The following PFKFB3 variants were observed in gnomAD, a reference collection of about 807,000 sequenced individuals.
The protein encoded by PFKFB3 is 6-phosphofructo-2-kinase/fructose-2,6-biphosphatase 3, also known as 6-phosphofructo-2-kinase/fructose-2,6-bisphosphatase 3.
PFKFB3 carries 33 observed loss-of-function variants against 68.0 expected under a neutral mutation model. The ratio of observed to expected loss-of-function variants is 0.49; its 90% CI spans 0.37 to 0.65. The LOEUF (loss-of-function observed/expected upper bound fraction) is 0.65, where lower values mean the gene tolerates loss of function less well. Among genes scored for constraint, PFKFB3 ranks in the 30% least tolerant of loss-of-function variants. The pLI, the probability that PFKFB3 is intolerant of heterozygous loss-of-function variation, is 0.00. For synonymous variants in PFKFB3, 315 were observed against 288.2 expected (o/e 1.09, Z -0.94); for missense variants, 586 against 712.2 (o/e 0.82, Z 2.02).
rs541901305 is a variant in PFKFB3 at position 6,167,292 on chromosome 10, G to A, written c.16+22279G>A. On this transcript the variant is annotated intron_variant, in intron 1 of 14. Transcript: ENST00000379789. Reference sequence around the variant, plus strand: ...ACCAGGTACAGTCCTCTGAGAAGTCGGGAGGAAAACGCCTGTGCGGGTCTC... The same window carrying A: ...ACCAGGTACAGTCCTCTGAGAAGTCAGGAGGAAAACGCCTGTGCGGGTCTC... 9.8e-5 allele frequency among the ~76,000 whole-genome samples: 15 copies of A among 152,322 alleles called. No individual in the cohort carries two copies. The South Asian group carries it at 1.7e-3, about 17-fold the overall frequency.
chr10:6,250,990 C>G (rs1182102439), intron 14 of PFKFB3, among the ~76,000 whole-genome samples: 1 of 152,174 alleles, frequency 6.6e-6, no homozygotes, highest in Admixed American at 6.5e-5. Flanking sequence ...AGCCTTACCC[C>G]ACAGAGATTC....
At chr10:6,169,585 T>C (rs1186038232) in intron 1 of PFKFB3, among the ~76,000 whole-genome samples, 1 of 152,294 alleles carries the variant, frequency 6.6e-6, no homozygotes, top group African/African-American at 2.4e-5. Flanking sequence ...ATGAACTTGC[T>C]GCGCTGATGG....
intron 1 of PFKFB3, among the ~76,000 whole-genome samples, chr10:6,210,356 G>T (rs200891207): frequency 0.041 from 1,827 of 44,256 alleles, 246 homozygotes; most frequent in Non-Finnish European, 0.078. Flanking sequence ...GTTTTTTTTT[G>T]TTTTTTTGTT....
chr10:6,222,947 G>T lies in PFKFB3; in HGVS notation c.1176G>T (p.Leu392=). Residue 392 remains leucine, a synonymous_variant, in exon 11 of 15, where the codon CTG becomes CTT. Transcript: ENST00000379775. ...NVLVICHQAV[L]RCLLAYFLDK... ...TGGTCATCTGCCACCAGGCCGTCCT[G>T]CGCTGCCTGCTTGCCTACTTCCTGG... The T allele has an allele frequency of 6.2e-7, 1 of 1,613,860 alleles. No individual in the cohort carries two copies. Among genetic ancestry groups the T allele is most frequent in the Non-Finnish European group, 8.5e-7 (1 of 1,179,874 alleles).
At chr10:6,224,890 A>G (rs748601024) in intron 13 of PFKFB3, among the ~76,000 whole-genome samples, 1 of 151,856 alleles carries the variant, frequency 6.6e-6, no homozygotes, top group African/African-American at 2.4e-5. Flanking sequence ...AAACAGGATC[A>G]GCAGGTCAGC....
the PFKFB3 span, among the ~76,000 whole-genome samples, chr10:6,316,561 C>A: frequency 6.6e-6 from 1 of 152,118 alleles, no homozygotes; most frequent in Non-Finnish European, 1.5e-5. Flanking sequence ...TCACTGCAAC[C>A]TCTGCCTCCC....
chr10:6,294,232 T>C, the PFKFB3 span: 5 of 530,458 alleles, frequency 9.4e-6, no homozygotes, highest in African/African-American at 7.7e-5. Flanking sequence ...TCTGACAAAA[T>C]TGCTGGGTTG....
At chr10:6,307,039 G>C in the PFKFB3 span, among the ~76,000 whole-genome samples, 1 of 152,112 alleles carries the variant, frequency 6.6e-6, no homozygotes, top group Non-Finnish European at 1.5e-5. Context: ...GGTGGGCCTT[G>C]TCCAATCAGT....
chr10:6,277,149 C>T, the PFKFB3 span, among the ~76,000 whole-genome samples: 1 of 152,106 alleles, frequency 6.6e-6, no homozygotes, highest in Non-Finnish European at 1.5e-5. Flanking sequence ...ATGTAATCCC[C>T]AGTGCTGCAG....
intron 1 of PFKFB3, among the ~76,000 whole-genome samples, chr10:6,181,362 G>T (rs538906325): frequency 6.6e-6 from 1 of 152,108 alleles, no homozygotes; most frequent in Non-Finnish European, 1.5e-5. Context: ...ACAAAGAGGT[G>T]GGAGCAACCC....
intron 1 of PFKFB3, among the ~76,000 whole-genome samples, chr10:6,160,697 G>A (rs571072262): frequency 1.0e-3 from 115 of 109,690 alleles, no homozygotes; most frequent in African/African-American, 4.1e-3. Context: ...CAGCCTGGGC[G>A]ACAAGAGCAA....
Position 6,215,130 on chromosome 10 carries a change from G to C in PFKFB3, c.203-91G>C. 1 of 1,068,318 alleles carries C rather than the reference G, an allele frequency of 9.4e-7. No homozygotes were observed. The highest frequency in any genetic ancestry group is 1.4e-6 in the Non-Finnish European group (1 of 698,730). The allele number at this position is 1,068,318 out of a possible 1,614,324, so 66.2% of individuals were successfully genotyped here. ...TTCAAGTCGGTGTGGTTGGCCTGGT[G>C]GCTCTTCCTTTGGTCGATCCTATGG... On this transcript the variant is annotated intron_variant, in intron 2 of 14. Transcript: ENST00000379775. The surrounding 1 kb of genome is among the most constrained non-coding windows in gnomAD (Gnocchi z 4.3).
At chr10:6,180,475 T>C (rs1195325658) in intron 1 of PFKFB3, among the ~76,000 whole-genome samples, 2 of 152,230 alleles carry the variant, frequency 1.3e-5, no homozygotes, top group Non-Finnish European at 2.9e-5. Flanking sequence ...TGCTGTTTTG[T>C]TTTGTTTTTT....
At chr10:6,231,758 G>A (rs1845759095) in intron 14 of PFKFB3, among the ~76,000 whole-genome samples, 1 of 151,618 alleles carries the variant, frequency 6.6e-6, no homozygotes, top group Non-Finnish European at 1.5e-5. Flanking sequence ...ATCATCCTTC[G>A]GCGGGCACCC....
chr10:6,200,043 A>C, upstream of PFKFB3, among the ~76,000 whole-genome samples: 1 of 151,542 alleles, frequency 6.6e-6, no homozygotes, highest in South Asian at 2.1e-4. Context: ...AACCAACAAA[A>C]CCAACAAAAA....
chr10:6,202,765 C>T (rs994533862), upstream of PFKFB3: 5 of 529,292 alleles, frequency 9.4e-6, no homozygotes, highest in Non-Finnish European at 1.2e-5. Context: ...GGTGCACCGC[C>T]GTCGCCGGCC....
chr10:6,155,543 C>T (rs551459008), intron 1 of PFKFB3, among the ~76,000 whole-genome samples: 1 of 152,118 alleles, frequency 6.6e-6, no homozygotes, highest in Non-Finnish European at 1.5e-5. Flanking sequence ...GTAAATACTA[C>T]ACAATTACCA....
chr10:6,326,022 T>C, the PFKFB3 span, among the ~76,000 whole-genome samples: 1 of 152,182 alleles, frequency 6.6e-6, no homozygotes, highest in Non-Finnish European at 1.5e-5. Flanking sequence ...AATAAAAACA[T>C]TTACAAATGG....
chr10:6,254,443 A>T (rs1846457401), exon 15 of PFKFB3: 4 of 398,302 alleles, frequency 1.0e-5, no homozygotes, highest in Non-Finnish European at 8.8e-6. Flanking sequence ...TGCTGTGGTT[A>T]TGTGGGATTT....
Sources: allele counts gnomAD v4.1 joint callset (sites outside exome capture counted in the v4.1 genomes callset), GRCh38; gene constraint gnomAD v4.1.1; non-coding constraint Gnocchi (gnomAD v3.1); transcripts MANE v1.5; gene names NCBI Gene and HGNC (gene_info 2026-07-23, HGNC 2026-07-21).